The following ST3GAL1 variants were observed in gnomAD, a reference collection of about 807,000 sequenced individuals.
ST3GAL1 encodes ST3 beta-galactoside alpha-2,3-sialyltransferase 1, also known as CMP-N-acetylneuraminate-beta-galactosamide-alpha-2,3-sialyltransferase 1.
Under a neutral mutation model 34.1 loss-of-function variants are expected in ST3GAL1, and 16 were observed. The observed-to-expected ratio is 0.47, with a 90% CI of 0.32 to 0.71. The LOEUF (loss-of-function observed/expected upper bound fraction) is 0.71, where lower values mean the gene tolerates loss of function less well. Ranked by LOEUF, ST3GAL1 falls within the 30% of genes least tolerant of loss-of-function variation. The probability of loss-of-function intolerance (pLI) is 0.04; values close to 1 mark genes in which losing one functional copy is unlikely to be tolerated. For synonymous variants in ST3GAL1, 191 were observed against 184.7 expected (o/e 1.03, Z -0.28); for missense variants, 353 against 447.4 (o/e 0.79, Z 1.90).
chr8:133,493,233 A>C (rs1816836745), intron 3 of ST3GAL1, among the ~76,000 whole-genome samples: 1 of 152,202 alleles, frequency 6.6e-6, no homozygotes, highest in Admixed American at 6.5e-5. Flanking sequence ...CTCAACTTTA[A>C]AACACACAAG....
intron 3 of ST3GAL1, among the ~76,000 whole-genome samples, chr8:133,491,527 TCA>T (rs921808559): frequency 1.3e-4 from 19 of 151,962 alleles, no homozygotes; most frequent in African/African-American, 4.3e-4. Context: ...GAGCCGAGAT[TCA>T]CAGTCTGACA....
At chr8:133,498,910 C>T (rs1336559249) in intron 3 of ST3GAL1, among the ~76,000 whole-genome samples, 1 of 152,230 alleles carries the variant, frequency 6.6e-6, no homozygotes, top group East Asian at 1.9e-4. Flanking sequence ...GTCCCGGCCA[C>T]GGCACCCACT....
chr8:133,529,246 G>A lies in ST3GAL1; in HGVS notation c.-429+16528C>T, dbSNP rs558480898. ...TGGAGAACGACTAGGTCCTCGCCCTGTGGAATTTGGCATCTACTGGAGGAA... is the reference window on the plus strand; with the variant it reads ...TGGAGAACGACTAGGTCCTCGCCCTATGGAATTTGGCATCTACTGGAGGAA... On this transcript the variant is annotated intron_variant, in intron 2 of 9. Coordinates refer to ENST00000522652, the MANE Select transcript of ST3GAL1 (RefSeq NM_173344.3). 9.8e-5 allele frequency among the ~76,000 whole-genome samples: 15 copies of A among 152,330 alleles called. No individual in the cohort carries two copies. In the South Asian group the frequency reaches 2.1e-3, roughly 21 times the overall value.
chr8:133,464,983 G>A (rs756262781), intron 6 of ST3GAL1, 26 bp from the exon 7 acceptor site: 8 of 1,599,076 alleles, frequency 5.0e-6, no homozygotes, highest in Admixed American at 3.4e-5. Flanking sequence ...AGAAAGCTGA[G>A]TCTTGTAGCA....
At chr8:133,561,376 G>A (rs967877411) in intron 1 of ST3GAL1, among the ~76,000 whole-genome samples, 19 of 152,078 alleles carry the variant, frequency 1.2e-4, no homozygotes, top group Non-Finnish European at 1.5e-5. Flanking sequence ...GTTCCACTGA[G>A]ACACACATAC....
At chr8:133,549,363 T>C (rs963602233) in intron 1 of ST3GAL1, among the ~76,000 whole-genome samples, 3 of 151,440 alleles carry the variant, frequency 2.0e-5, no homozygotes, top group African/African-American at 4.9e-5. Flanking sequence ...GATTGCACCA[T>C]TGCACTCCAG....
At chr8:133,567,715 G>C (rs555814959) in intron 1 of ST3GAL1, among the ~76,000 whole-genome samples, 1 of 152,292 alleles carries the variant, frequency 6.6e-6, no homozygotes, top group South Asian at 2.1e-4. Context: ...GCTCCGAATG[G>C]TCCTGGCCAC....
At chr8:133,539,065 A>G (rs1818388944) in intron 2 of ST3GAL1, among the ~76,000 whole-genome samples, 1 of 152,196 alleles carries the variant, frequency 6.6e-6, no homozygotes, top group Admixed American at 6.5e-5. Context: ...CAGCCCTGCG[A>G]GAGTGCTCAC....
chr8:133,483,423 C>T (rs73359243), intron 3 of ST3GAL1, among the ~76,000 whole-genome samples: 3,636 of 152,248 alleles, frequency 0.024, 128 homozygotes, highest in African/African-American at 0.081. Flanking sequence ...CAGCTCAGTT[C>T]CCGCCACAGA....
chr8:133,470,912 A>G (rs1205488128), intron 5 of ST3GAL1, among the ~76,000 whole-genome samples: 1 of 152,094 alleles, frequency 6.6e-6, no homozygotes, highest in East Asian at 1.9e-4. Flanking sequence ...GCTATGGCAG[A>G]GTTTGTCCTG....
chr8:133,521,712 T>C (rs1484677658), intron 2 of ST3GAL1, among the ~76,000 whole-genome samples: 1 of 152,234 alleles, frequency 6.6e-6, no homozygotes, highest in Non-Finnish European at 1.5e-5. Flanking sequence ...ACAGAAGTTT[T>C]CAATCATTAA....
At chr8:133,501,537 T>C (rs4736686) in intron 2 of ST3GAL1, among the ~76,000 whole-genome samples, 113,614 of 151,932 alleles carry the variant, frequency 0.75, 42,912 homozygotes, top group African/African-American at 0.84. Context: ...CACTTGAGGT[T>C]AGGAGTTCAA....
At position 133,464,763 on chromosome 8, in the gene ST3GAL1, A is replaced by G. The variant is rs758687468; in HGVS notation, c.683+15T>C. The G allele has an allele frequency of 3.7e-6, 6 of 1,607,036 alleles. No individual in the cohort carries two copies. Among genetic ancestry groups the G allele is most frequent in the Non-Finnish European group, 5.1e-6 (6 of 1,175,388 alleles). Reference sequence around the variant, plus strand: ...AGGGGCAGAGCAGCGAGGCGGGGCCACAGGAGGGACTCACTGGGAAATGGT... The same window carrying G: ...AGGGGCAGAGCAGCGAGGCGGGGCCGCAGGAGGGACTCACTGGGAAATGGT... On this transcript the variant is annotated intron_variant, in intron 7 of 9. Coordinates refer to ENST00000522652, the MANE Select transcript of ST3GAL1 (RefSeq NM_173344.3).
intron 1 of ST3GAL1, among the ~76,000 whole-genome samples, chr8:133,569,392 C>G (rs946494388): frequency 2.0e-5 from 3 of 152,204 alleles, no homozygotes; most frequent in East Asian, 1.9e-4. Context: ...TATGAACTAC[C>G]TATACATACA....
rs1215409641 is a variant in ST3GAL1 at position 133,556,326 on chromosome 8, G to T, written c.-581-10400C>A. Among the ~76,000 whole-genome samples the T allele has an allele frequency of 2.0e-5, 3 of 152,182 alleles. No homozygotes were observed. The highest frequency in any genetic ancestry group is 4.4e-5 in the Non-Finnish European group (3 of 68,038). On this transcript the variant is annotated intron_variant, in intron 1 of 9. Transcript: ENST00000522652. This position sits in a 1 kb window ranked among gnomAD's most constrained non-coding sequence, Gnocchi z 8.9. The stretch of plus-strand genomic sequence containing the variant: ...AGATCTCACCACTGATCAACAGCAG[G>T]CCTGGTGACTCCAGAGCCTGTCTTC...
chr8:133,525,392 C>T (rs1817937732), intron 2 of ST3GAL1, among the ~76,000 whole-genome samples: 1 of 152,114 alleles, frequency 6.6e-6, no homozygotes, highest in African/African-American at 2.4e-5. Context: ...GAAGTGTGTG[C>T]TGATTGGTCC....
intron 3 of ST3GAL1, among the ~76,000 whole-genome samples, chr8:133,484,316 C>A (rs1188688125): frequency 6.6e-6 from 1 of 152,194 alleles, no homozygotes; most frequent in African/African-American, 2.4e-5. Context: ...GAGTTAAGTG[C>A]ATAAATGCTT....
At chr8:133,473,787 G>A (rs1816056063) in intron 5 of ST3GAL1, among the ~76,000 whole-genome samples, 1 of 152,232 alleles carries the variant, frequency 6.6e-6, no homozygotes, top group African/African-American at 2.4e-5. Context: ...TTAGTAGGTA[G>A]AGACCAGTGA....
rs190218729 is a variant in ST3GAL1 at position 133,552,216 on chromosome 8, T to C, written c.-581-6290A>G. 3.1e-4 allele frequency among the ~76,000 whole-genome samples: 47 copies of C among 152,276 alleles called. No individual in the cohort carries two copies. The South Asian group carries it at 9.3e-3, about 30-fold the overall frequency. On this transcript the variant is annotated intron_variant, in intron 1 of 9. Coordinates refer to ENST00000522652, the MANE Select transcript of ST3GAL1 (RefSeq NM_173344.3). ...TCTGTGTCCAGGGCAGGCTCATGAATGTGCAAGTAGGTGGTTTCTTAATCT... is the reference window on the plus strand; with the variant it reads ...TCTGTGTCCAGGGCAGGCTCATGAACGTGCAAGTAGGTGGTTTCTTAATCT...
Sources: allele counts gnomAD v4.1 joint callset (sites outside exome capture counted in the v4.1 genomes callset), GRCh38; gene constraint gnomAD v4.1.1; non-coding constraint Gnocchi (gnomAD v3.1); transcripts MANE v1.5; gene names NCBI Gene and HGNC (gene_info 2026-07-23, HGNC 2026-07-21).